The following FGF13 variants were observed in gnomAD, a reference collection of about 807,000 sequenced individuals.
The protein encoded by FGF13 is fibroblast growth factor 13.
Under a neutral mutation model 19.5 loss-of-function variants are expected in FGF13, and 2 were observed. The ratio of observed to expected loss-of-function variants is 0.10; its 90% CI spans 0.04 to 0.32. The LOEUF is 0.32. Ranked by LOEUF, FGF13 falls within the 10% of genes least tolerant of loss-of-function variation. The pLI, the probability that FGF13 is intolerant of heterozygous loss-of-function variation, is 1.00. For synonymous variants in FGF13, 72 were observed against 76.9 expected (o/e 0.94, Z 0.33); for missense variants, 113 against 192.7 (o/e 0.59, Z 2.45).
intron 3 of FGF13, chrX:138,806,350 G>A (rs1019201804): frequency 8.9e-6 from 1 of 111,770 alleles, no homozygotes; most frequent in Non-Finnish European, 1.9e-5. Flanking sequence ...CTGCGTGCCA[G>A]GTGGCCCATC....
chrX:138,815,404 TATACATATATCAAAATGTCAC>T (rs1461685807), intron 3 of FGF13, among the ~76,000 whole-genome samples: 1 of 111,097 alleles, frequency 9.0e-6, no homozygotes, highest in Non-Finnish European at 1.9e-5. Context: ...TTTCACAATG[TATACATATATCAAAATGTCAC>T]ACCGTACATT....
chrX:138,718,425 G>A (rs1195695141), intron 1 of FGF13, among the ~76,000 whole-genome samples: 1 of 111,517 alleles, frequency 9.0e-6, no homozygotes. Flanking sequence ...ACTGGAAGGT[G>A]ACCTAAACTC....
chrX:138,821,373 G>A (rs1047141044), intron 3 of FGF13, among the ~76,000 whole-genome samples: 6 of 111,694 alleles, frequency 5.4e-5, no homozygotes, highest in Non-Finnish European at 9.4e-5. Context: ...AAACCTGTAC[G>A]TGGTTCAGTT....
At chrX:138,788,640 G>A (rs2090713870) in intron 3 of FGF13, among the ~76,000 whole-genome samples, 3 of 112,146 alleles carry the variant, frequency 2.7e-5, no homozygotes, top group Non-Finnish European at 5.6e-5. Context: ...TAAGAAGTCT[G>A]ACAGCCTTCC....
intron 1 of FGF13, among the ~76,000 whole-genome samples, chrX:139,077,250 T>G (rs751600213): frequency 1.4e-4 from 16 of 112,031 alleles, no homozygotes; most frequent in African/African-American, 4.9e-4. Context: ...TTTAATAAAA[T>G]GTATCGCTAT....
chrX:139,158,446 GAGGCTTGAGT>G (rs752985140), intron 1 of FGF13, among the ~76,000 whole-genome samples: 8 of 110,653 alleles, frequency 7.2e-5, no homozygotes, highest in Non-Finnish European at 1.5e-4. Context: ...ATACATTACT[GAGGCTTGAGT>G]AGGCAGGTTT....
chrX:138,834,185 C>T (rs188365861), intron 3 of FGF13, among the ~76,000 whole-genome samples: 85 of 111,986 alleles, frequency 7.6e-4, no homozygotes, highest in African/African-American at 2.7e-3. Flanking sequence ...GGATGAATCC[C>T]TTGTTTTCAA....
At chrX:139,157,997 G>A (rs1463217345) in intron 1 of FGF13, among the ~76,000 whole-genome samples, 1 of 112,163 alleles carries the variant, frequency 8.9e-6, no homozygotes, top group African/African-American at 3.2e-5. Flanking sequence ...CCCAGGAAGT[G>A]CAAGGGGGCG....
chrX:138,844,723 T>C (rs1476712811), intron 3 of FGF13, among the ~76,000 whole-genome samples: 1 of 111,011 alleles, frequency 9.0e-6, no homozygotes, highest in Non-Finnish European at 1.9e-5. Flanking sequence ...CTCTATAACA[T>C]CTTACAATGT....
chrX:138,683,704 A>G (rs144951393), intron 3 of FGF13, among the ~76,000 whole-genome samples: 1,785 of 111,555 alleles, frequency 0.016, 41 homozygotes, highest in African/African-American at 0.055. Flanking sequence ...CTCCCTTTAC[A>G]TAGAGCAAAT....
rs200318569 is a variant in FGF13, at chrX:139,158,420, T to TG, written c.-113+44995dup. On this transcript the variant is annotated intron_variant, in intron 1 of 2. Transcript: ENST00000421460. Reference sequence around the variant, plus strand: ...GTAGACCTGGGACACTCCAGCTTGGTGGGGGGAGGGGCATCATACATTACT... The same window carrying TG: ...GTAGACCTGGGACACTCCAGCTTGGTGGGGGGGAGGGGCATCATACATTACT... 4.9e-3 allele frequency among the ~76,000 whole-genome samples: 539 copies of TG among 109,508 alleles called. 1 individual carries two copies. Among genetic ancestry groups the TG allele is most frequent in the Non-Finnish European group, 7.4e-3 (391 of 52,600 alleles).
At chrX:138,979,977 T>C (rs941018199) in intron 1 of FGF13, among the ~76,000 whole-genome samples, 1 of 111,741 alleles carries the variant, frequency 8.9e-6, no homozygotes, top group Non-Finnish European at 1.9e-5. Flanking sequence ...ACTGAATGAG[T>C]TAATTGAGTA....
chrX:138,733,240 A>G (rs2090246401), intron 1 of FGF13, among the ~76,000 whole-genome samples: 1 of 111,712 alleles, frequency 9.0e-6, no homozygotes, highest in Admixed American at 9.5e-5. Flanking sequence ...AGAAACTGTA[A>G]CTGGGATTCT....
At chrX:139,073,330 A>G (rs2092382891) in intron 1 of FGF13, among the ~76,000 whole-genome samples, 1 of 111,074 alleles carries the variant, frequency 9.0e-6, no homozygotes, top group South Asian at 3.8e-4. Flanking sequence ...TTCACAACTA[A>G]GGAAACCCCA....
At position 139,003,343 on chromosome X, in the gene FGF13, G is replaced by C. The variant is rs1216097730; in HGVS notation, c.-112-138693C>G. The stretch of plus-strand genomic sequence containing the variant: ...GTGAAGCTGCAGATCTTCGCCGTGA[G>C]TGTTACAGCTCATAAAAGCAGCGTG... On this transcript the variant is annotated intron_variant, in intron 1 of 2. Transcript: ENST00000421460. 3.6e-5 allele frequency among the ~76,000 whole-genome samples: 4 copies of C among 111,755 alleles called. 1 individual carries two copies. The highest frequency in any genetic ancestry group is 1.3e-4 in the African/African-American group (4 of 30,619).
intron 3 of FGF13, chrX:138,806,256 A>T (rs2090866275): frequency 8.9e-6 from 1 of 111,992 alleles, no homozygotes; most frequent in African/African-American, 3.2e-5. Context: ...CTGAAAAAAA[A>T]TCTCCCAACT....
At chrX:138,845,617 G>C (rs1381525374) in intron 3 of FGF13, among the ~76,000 whole-genome samples, 1 of 111,229 alleles carries the variant, frequency 9.0e-6, no homozygotes, top group Non-Finnish European at 1.9e-5. Flanking sequence ...AGCACCAGTA[G>C]CCATTCACAA....
At chrX:138,973,278 T>C (rs764115135) in intron 1 of FGF13, among the ~76,000 whole-genome samples, 2 of 112,390 alleles carry the variant, frequency 1.8e-5, no homozygotes, top group Non-Finnish European at 3.8e-5. Context: ...GAATATGTTG[T>C]TTAATTTCTA....
In FGF13 at chrX:138,635,475, G is replaced by A. The variant is rs757558340; in HGVS notation, c.583C>T (p.Leu195=). The change falls in exon 4 of 5, where the codon CTG becomes TTG. Residue 195 remains leucine (L), a synonymous_variant. Transcript: ENST00000315930. The part of the protein sequence containing the change: ...VKKNKPAAHF[L]PKPLKVAMYK... ...AATGTACCTTTCAGTGGTTTAGGCA[G>A]AAAATGAGCTGCAGGCTTGTTCTTC... 2 of 1,211,503 alleles carry A rather than the reference G, an allele frequency of 1.7e-6. No individual in the cohort carries two copies. The highest frequency in any genetic ancestry group is 2.2e-6 in the Non-Finnish European group (2 of 895,189).
Sources: gnomAD v4.1 joint callset for allele counts (sites outside exome capture counted in the v4.1 genomes callset) on GRCh38, gnomAD v4.1.1 for gene constraint, MANE v1.5 for transcripts, NCBI Gene and HGNC (gene_info 2026-07-23, HGNC 2026-07-21) for gene names.